Variants in EMC10 observed in about 807,000 individuals in gnomAD.
The protein encoded by EMC10 is UPF0510 protein INM02.
A neutral mutation model predicts 32.2 loss-of-function variants in EMC10; 40 were observed. The ratio of observed to expected loss-of-function variants is 1.24; its 90% CI spans 0.96 to 1.61. The LOEUF (loss-of-function observed/expected upper bound fraction) is 1.61, where lower values mean the gene tolerates loss of function less well. Ranked by LOEUF, EMC10 falls within the 40% of genes most tolerant of loss-of-function variation. The probability of loss-of-function intolerance (pLI) is 0.00; values close to 1 mark genes in which losing one functional copy is unlikely to be tolerated. For missense variants in EMC10, 402 were observed against 357.7 expected (o/e 1.12, Z -1.00); for synonymous variants, 178 against 158.4 (o/e 1.12, Z -0.93).
Position 50,485,368 on chromosome 19 carries a change from T to G in EMC10, c.*3109T>G, listed in dbSNP as rs1227229719. 4 of 152,184 alleles carry G rather than the reference T, an allele frequency of 2.6e-5. No individual in the cohort carries two copies. Among genetic ancestry groups the G allele is most frequent in the African/African-American group, 7.2e-5 (3 of 41,412 alleles). The allele number at this position is 152,184 out of a possible 1,614,324, so 9.4% of individuals were successfully genotyped here. A position where few individuals can be genotyped will look rare whatever the true frequency, so the allele number is the denominator to read the frequency against. ...CAGATCCCACCCCTGATCTCCAGAC[T>G]CATGGCCCCAGCTGCCTCCTGGGCT... On this transcript the variant is annotated 3_prime_UTR_variant, in exon 7 of 7. Transcript: ENST00000334976.
chr19:50,483,216 C>A lies in EMC10; in HGVS notation c.*957C>A. On this transcript the variant is annotated 3_prime_UTR_variant, in exon 7 of 7. Coordinates refer to ENST00000334976, the MANE Select transcript of EMC10 (RefSeq NM_206538.4). ...TGGCAAGACGGTCCTGATGTACAAG[C>A]TTGATTGAAATTCACTGCTCACTTG... 2.3e-6 allele frequency: 1 copy of A among 431,752 alleles called. No individual in the cohort carries two copies. The highest frequency in any genetic ancestry group is 1.6e-5 in the South Asian group (1 of 61,162). 26.7% of individuals were successfully genotyped at this position (431,752 alleles called of 1,614,324 possible).
chr19:50,480,049 A>C lies in EMC10; in HGVS notation c.298-62A>C, dbSNP rs898381833. 2.1e-4 allele frequency: 297 copies of C among 1,394,278 alleles called. No individual in the cohort carries two copies. Among genetic ancestry groups the C allele is most frequent in the Non-Finnish European group, 2.8e-4 (287 of 1,015,418 alleles). The allele number at this position is 1,394,278 out of a possible 1,614,324, so 86.4% of individuals were successfully genotyped here. A position where few individuals can be genotyped will look rare whatever the true frequency, so the allele number is the denominator to read the frequency against. ...GGGCCTTCGCGGAGGCCTGGTGGGC[A>C]TCACAGCCTGTCCAGGGCTGACACC... is the stretch of plus-strand genomic sequence containing the variant. On this transcript the variant is annotated intron_variant, in intron 3 of 6. Transcript: ENST00000334976. The surrounding 1 kb of genome is among the most constrained non-coding windows in gnomAD (Gnocchi z 4.4).
chr19:50,481,925 C>T lies in EMC10; in HGVS notation c.679-224C>T, dbSNP rs199946407. 1.0e-4 allele frequency: 161 copies of T among 1,605,428 alleles called. No individual in the cohort carries two copies. In the African/African-American group the frequency reaches 1.3e-3, roughly 13 times the overall value. On this transcript the variant is annotated intron_variant, in intron 6 of 6. Coordinates refer to ENST00000334976, the MANE Select transcript of EMC10 (RefSeq NM_206538.4). ...CTGCGTCCTGCTGCGCCAGGGCCCG[C>T]GCCACCGCCACAGGAGGCCTGAGTG...
chr19:50,479,010 G>A lies in EMC10; in HGVS notation c.241G>A (p.Gly81Ser). ...CTCACTGCTCTGGAACCAGCAGGAT[G>A]GTACCTTGTCCCTGTCACAGCGGCA... ...RGSLLWNQQDGTLSLSQRQLS... is the reference protein window; with the variant it reads ...RGSLLWNQQDSTLSLSQRQLS... Residue 81 changes from glycine (G) to serine (S), a missense_variant, in exon 3 of 7, where the codon GGT becomes AGT. Transcript: ENST00000334976. 1 of 1,611,508 alleles carries A rather than the reference G, an allele frequency of 6.2e-7. No individual in the cohort carries two copies. Among genetic ancestry groups the A allele is most frequent in the South Asian group, 1.1e-5 (1 of 90,720 alleles).
At chr19:50,479,173 T>A in intron 3 of EMC10, 107 bp downstream of exon 3, 1 of 841,434 alleles carries the variant, frequency 1.2e-6, no homozygotes, top group Non-Finnish European at 1.9e-6. Flanking sequence ...CAGGCCCAGG[T>A]GGGCTCCCAG....
chr19:50,478,411 G>A (rs1254091092), intron 2 of EMC10, among the ~76,000 whole-genome samples: 1 of 152,210 alleles, frequency 6.6e-6, no homozygotes, highest in African/African-American at 2.4e-5. Context: ...CATCGTGAGT[G>A]AGTGGCAGAG....
rs560953646 is a variant in EMC10, at chr19:50,481,190, C to G, written c.678+213C>G. Reference sequence around the variant, plus strand: ...GGGAGGTCGGGCCAGCTCTAGGGCGCAGGGTCCTGGGGGAGGTCTCGGCCT... The same window carrying G: ...GGGAGGTCGGGCCAGCTCTAGGGCGGAGGGTCCTGGGGGAGGTCTCGGCCT... On this transcript the variant is annotated intron_variant, in intron 6 of 6. Coordinates refer to ENST00000334976, the MANE Select transcript of EMC10 (RefSeq NM_206538.4). 115 of 529,510 alleles carry G rather than the reference C, an allele frequency of 2.2e-4. 2 individuals are homozygous for G. Among genetic ancestry groups the G allele is most frequent in the Non-Finnish European group, 3.3e-4 (99 of 299,242 alleles). The allele number at this position is 529,510 out of a possible 1,614,324, so 32.8% of individuals were successfully genotyped here.
At position 50,477,954 on chromosome 19, in the gene EMC10, AG is replaced by A. The variant is rs1568683916; in HGVS notation, c.142del (p.Ala48ProfsTer57). The A allele has an allele frequency of 6.2e-7, 1 of 1,601,132 alleles. No homozygotes were observed. The highest frequency in any genetic ancestry group is 1.1e-5 in the South Asian group (1 of 89,304). ...GCTGGGGCGGAAGGTCGAGAGGGCG[AG>A]GCCTGTGGCACGGTGGGGCTGCTGC... ...RGAGAEGREGEACGTVGLLLE... is the reference protein window; with the variant it reads ...RGAGAEGREGXACGTVGLLLE... On this transcript the variant is annotated frameshift_variant, in exon 2 of 7. Transcript: ENST00000334976. LOFTEE classifies it high-confidence loss of function.
intron 6 of EMC10, chr19:50,481,885 G>T: frequency 6.3e-7 from 1 of 1,594,020 alleles, no homozygotes; most frequent in Non-Finnish European, 8.5e-7. Flanking sequence ...GGGGGGGGCC[G>T]TGTTGCTCAC....
At chr19:50,477,747 T>C (rs1365502454) in intron 1 of EMC10, among the ~76,000 whole-genome samples, 182 bp from the exon 2 acceptor site, 1 of 151,788 alleles carries the variant, frequency 6.6e-6, no homozygotes, top group Non-Finnish European at 1.5e-5. Context: ...GGTGAGGGAG[T>C]GCAGAGTATG....
At chr19:50,481,114 G>A (rs1387343950) in intron 6 of EMC10, 137 bp downstream of exon 6, 4 of 659,882 alleles carry the variant, frequency 6.1e-6, no homozygotes, top group Admixed American at 3.0e-5. Flanking sequence ...GTGTGTCCTG[G>A]TACCTGGGCT....
At chr19:50,479,348 T>C (rs1485942474) in intron 3 of EMC10, among the ~76,000 whole-genome samples, 1 of 152,232 alleles carries the variant, frequency 6.6e-6, no homozygotes, top group East Asian at 1.9e-4. Context: ...CACAGTCGGC[T>C]CCTCTTCTTT....
chr19:50,476,818 G>T, intron 1 of EMC10, 160 bp downstream of exon 1: 1 of 543,136 alleles, frequency 1.8e-6, no homozygotes, highest in Non-Finnish European at 3.2e-6. Context: ...GCGCAGGAGG[G>T]GCCTCGCCAG....
At chr19:50,477,877 T>G in intron 1 of EMC10, 52 bp from the exon 2 acceptor site, 1 of 1,477,378 alleles carries the variant, frequency 6.8e-7, no homozygotes, top group Non-Finnish European at 9.2e-7. Flanking sequence ...GGGTGACTAC[T>G]ATGCTGAGGG....
chr19:50,476,662 AGTGCTCT>A lies in EMC10; in HGVS notation c.114+5_114+11del. On this transcript the variant is annotated splice_donor_5th_base_variant and intron_variant, in intron 1 of 6. Transcript: ENST00000334976. ...GGCCGGGACTGGTGCGCGAGGGGTGAGTGCTCTTTAGCTGTGCATAGCGGGCGCGGTC... is the reference window on the plus strand; with the variant it reads ...GGCCGGGACTGGTGCGCGAGGGGTGATTAGCTGTGCATAGCGGGCGCGGTC... 1 of 1,511,292 alleles carries A rather than the reference AGTGCTCT, an allele frequency of 6.6e-7. No individual in the cohort carries two copies. Among genetic ancestry groups the A allele is most frequent in the Non-Finnish European group, 8.8e-7 (1 of 1,132,948 alleles). 93.6% of individuals were successfully genotyped at this position (1,511,292 alleles called of 1,614,324 possible).
chr19:50,482,093 C>T (rs950271299), intron 6 of EMC10, 56 bp from the exon 7 acceptor site: 3 of 1,394,182 alleles, frequency 2.2e-6, no homozygotes, highest in Non-Finnish European at 3.1e-6. Flanking sequence ...CACTCACCTC[C>T]TTCCCCTCTC....
rs979379834 is a variant in EMC10 at position 50,486,076 on chromosome 19, G to A, written c.*3817G>A. On this transcript the variant is annotated 3_prime_UTR_variant, in exon 7 of 7. Coordinates refer to ENST00000334976, the MANE Select transcript of EMC10 (RefSeq NM_206538.4). ...GGCATTTAGGTGCTCCCAGTACATA[G>A]TTGCATGGCAAACAATCCTAAAATA... 3 of 152,164 alleles carry A rather than the reference G, an allele frequency of 2.0e-5. No homozygotes were observed. Among genetic ancestry groups the A allele is most frequent in the African/African-American group, 7.2e-5 (3 of 41,436 alleles). 9.4% of individuals were successfully genotyped at this position (152,164 alleles called of 1,614,324 possible). A position where few individuals can be genotyped will look rare whatever the true frequency, so the allele number is the denominator to read the frequency against.
In EMC10 at chr19:50,482,406, C is replaced by T; in HGVS notation, c.*147C>T. ...GAGGCCACCTGGGCCAGCCCCTTGT[C>T]CTCTGCCTTCTGCTGGCAGAGGAGC... On this transcript the variant is annotated 3_prime_UTR_variant, in exon 7 of 7. Transcript: ENST00000334976. 1 of 599,260 alleles carries T rather than the reference C, an allele frequency of 1.7e-6. No individual in the cohort carries two copies. Among genetic ancestry groups the T allele is most frequent in the Non-Finnish European group, 3.0e-6 (1 of 336,092 alleles). 37.1% of individuals were successfully genotyped at this position (599,260 alleles called of 1,614,324 possible).
At position 50,484,172 on chromosome 19, in the gene EMC10, C is replaced by G. The variant is rs1011668593; in HGVS notation, c.*1913C>G. 2.0e-5 allele frequency: 3 copies of G among 151,806 alleles called. No homozygotes were observed. Among genetic ancestry groups the G allele is most frequent in the Admixed American group, 6.6e-5 (1 of 15,234 alleles). 9.4% of individuals were successfully genotyped at this position (151,806 alleles called of 1,614,324 possible). A position where few individuals can be genotyped will look rare whatever the true frequency, so the allele number is the denominator to read the frequency against. ...CCTCCCAAATAGCGGGGATTGCAGGCGCCCGCCAACACACCTGGCTAATTT... is the reference window on the plus strand; with the variant it reads ...CCTCCCAAATAGCGGGGATTGCAGGGGCCCGCCAACACACCTGGCTAATTT... On this transcript the variant is annotated 3_prime_UTR_variant, in exon 7 of 7. Transcript: ENST00000334976.
Sources: gnomAD v4.1 joint callset for allele counts (sites outside exome capture counted in the v4.1 genomes callset) on GRCh38, gnomAD v4.1.1 for gene constraint, Gnocchi (gnomAD v3.1) non-coding constraint, MANE v1.5 for transcripts, NCBI Gene and HGNC (gene_info 2026-07-23, HGNC 2026-07-21) for gene names.